The following ADCY9 variants were observed in gnomAD, a reference collection of about 807,000 sequenced individuals.
ADCY9 encodes the protein adenylate cyclase 9.
In ADCY9, 50 loss-of-function variants were observed where a neutral mutation model predicts 101.5. That is an observed-to-expected ratio of 0.49 (90% confidence interval 0.39 to 0.62). The LOEUF (loss-of-function observed/expected upper bound fraction) is 0.62, where lower values mean the gene tolerates loss of function less well. ADCY9 is among the 20% of genes least tolerant of loss of function. The pLI is 0.00. For synonymous variants in ADCY9, 905 were observed against 769.3 expected (o/e 1.18, Z -2.92); for missense variants, 1,662 against 1,800.4 (o/e 0.92, Z 1.39).
At chr16:4,105,079 A>G (rs938916039) in intron 2 of ADCY9, among the ~76,000 whole-genome samples, 1 of 152,070 alleles carries the variant, frequency 6.6e-6, no homozygotes, top group Non-Finnish European at 1.5e-5. Context: ...CCAAAAAAAA[A>G]ACAAAAAACT....
downstream of ADCY9, among the ~76,000 whole-genome samples, chr16:3,960,356 C>T (rs983863423): frequency 2.6e-5 from 4 of 151,998 alleles, no homozygotes; most frequent in Non-Finnish European, 5.9e-5. Context: ...TCTGTCTCTA[C>T]TAAAAATACA....
chr16:3,988,656 G>A (rs1189130856), intron 6 of ADCY9, among the ~76,000 whole-genome samples: 2 of 115,452 alleles, frequency 1.7e-5, no homozygotes, highest in Non-Finnish European at 3.5e-5. Flanking sequence ...AGGTGGGGGG[G>A]TTTCCTTCCA....
chr16:4,073,350 G>C (rs1442714165), intron 2 of ADCY9, among the ~76,000 whole-genome samples: 1 of 151,292 alleles, frequency 6.6e-6, no homozygotes, highest in Non-Finnish European at 1.5e-5. Context: ...GCCTCCCAAA[G>C]TGCTGGAATT....
Position 4,046,314 on chromosome 16 carries a change from A to G in ADCY9, c.1694-38756T>C, listed in dbSNP as rs183450250. 9.5e-4 allele frequency among the ~76,000 whole-genome samples: 144 copies of G among 152,208 alleles called. 2 individuals are homozygous for G. In the East Asian group the frequency reaches 0.025, roughly 27 times the overall value. On this transcript the variant is annotated intron_variant, in intron 2 of 10. Transcript: ENST00000294016. ...CAGCACTGAACCATAGCACATGCGC[A>G]TTCCCCCCACGCCCCCGAACTTATA... is the stretch of plus-strand genomic sequence containing the variant.
intron 10 of ADCY9, among the ~76,000 whole-genome samples, chr16:3,968,734 C>T (rs1354513388): frequency 6.6e-6 from 1 of 152,182 alleles, no homozygotes; most frequent in Admixed American, 6.6e-5. Context: ...TATTCCCCTA[C>T]CCCTATCTTT....
At chr16:4,027,063 C>T (rs1000933185) in intron 2 of ADCY9, among the ~76,000 whole-genome samples, 10 of 152,112 alleles carry the variant, frequency 6.6e-5, no homozygotes, top group South Asian at 4.1e-4. Context: ...TCTGATTGGT[C>T]GCCTCCTGCA....
At chr16:4,054,622 G>C (rs770125156) in intron 2 of ADCY9, among the ~76,000 whole-genome samples, 8 of 151,492 alleles carry the variant, frequency 5.3e-5, no homozygotes, top group Non-Finnish European at 7.4e-5. Context: ...CCAGGCTGGA[G>C]TGCAGTGGCA....
At chr16:4,041,861 C>T (rs1370548140) in intron 2 of ADCY9, among the ~76,000 whole-genome samples, 1 of 150,618 alleles carries the variant, frequency 6.6e-6, no homozygotes, top group Non-Finnish European at 1.5e-5. Flanking sequence ...AAGCCATCTT[C>T]CCACCTCGGC....
chr16:3,965,748 C>A lies in ADCY9; in HGVS notation c.*27G>T. On this transcript the variant is annotated 3_prime_UTR_variant, in exon 11 of 11. Coordinates refer to ENST00000294016, the MANE Select transcript of ADCY9 (RefSeq NM_001116.4). ...TATTACTGTGTTTCGACAAACAGAGCACCTCGGGCAGCGGGTGGGCGCCGC... is the reference window on the plus strand; with the variant it reads ...TATTACTGTGTTTCGACAAACAGAGAACCTCGGGCAGCGGGTGGGCGCCGC... 6.3e-7 allele frequency: 1 copy of A among 1,581,724 alleles called. No individual in the cohort carries two copies. Among genetic ancestry groups the A allele is most frequent in the Non-Finnish European group, 8.6e-7 (1 of 1,161,156 alleles).
At chr16:4,045,981 A>T (rs2056662031) in intron 2 of ADCY9, among the ~76,000 whole-genome samples, 1 of 145,142 alleles carries the variant, frequency 6.9e-6, no homozygotes, top group South Asian at 2.1e-4. Context: ...AGTAGCTGGG[A>T]CTACAGTTGC....
chr16:3,989,566 C>T (rs79820421), intron 5 of ADCY9, among the ~76,000 whole-genome samples: 4,475 of 152,156 alleles, frequency 0.029, 232 homozygotes, highest in African/African-American at 0.1. Context: ...TTTTAGCAGA[C>T]GCGGGGTTTC....
chr16:3,997,896 C>A (rs1298022411), intron 3 of ADCY9, among the ~76,000 whole-genome samples: 2 of 151,650 alleles, frequency 1.3e-5, no homozygotes, highest in Non-Finnish European at 2.9e-5. Flanking sequence ...GAGTTTAAGA[C>A]CAGCCTGGTC....
At chr16:4,058,467 GAAAAAAA>G (rs112044690) in intron 2 of ADCY9, among the ~76,000 whole-genome samples, 9 of 94,882 alleles carry the variant, frequency 9.5e-5, no homozygotes, top group African/African-American at 3.4e-4. Flanking sequence ...TTGTCTCCAA[GAAAAAAA>G]AAAAAAAAAG....
In ADCY9 at chr16:4,113,814, G is replaced by C; in HGVS notation, c.1629C>G (p.Tyr543Ter). 1 of 1,614,014 alleles carries C rather than the reference G, an allele frequency of 6.2e-7. No homozygotes were observed. Among genetic ancestry groups the C allele is most frequent in the Non-Finnish European group, 8.5e-7 (1 of 1,180,012 alleles). The stretch of plus-strand genomic sequence containing the variant: ...CAATAACTTTCCCATCTTCCATTTC[G>C]TACCGGTCATCTAAGTATTTTGCGG... ...EATAKYLDDR[Y>*]EMEDGKVIER... The change falls in exon 2 of 11, where the codon TAC becomes TAG. Residue 543 changes from tyrosine to a stop codon, truncating the protein, a stop_gained. Coordinates refer to ENST00000294016, the MANE Select transcript of ADCY9 (RefSeq NM_001116.4). LOFTEE classifies it high-confidence loss of function.
downstream of ADCY9, among the ~76,000 whole-genome samples, chr16:3,960,194 T>A (rs1314545147): frequency 6.6e-6 from 1 of 152,054 alleles, no homozygotes; most frequent in Admixed American, 6.6e-5. Context: ...GCACTCTATT[T>A]GCATTCGTGG....
intron 10 of ADCY9, among the ~76,000 whole-genome samples, chr16:3,973,008 T>G (rs1208822962): frequency 6.6e-6 from 1 of 152,212 alleles, no homozygotes; most frequent in Non-Finnish European, 1.5e-5. Context: ...CATTATATCC[T>G]AAGTATAAAT....
chr16:4,100,539 C>G (rs2057035993), intron 2 of ADCY9, among the ~76,000 whole-genome samples: 1 of 151,978 alleles, frequency 6.6e-6, no homozygotes, highest in African/African-American at 2.4e-5. Flanking sequence ...CCATGTCGGA[C>G]AGGCTGGTCT....
chr16:4,061,137 CA>C (rs2056771330), intron 2 of ADCY9, among the ~76,000 whole-genome samples: 1 of 151,862 alleles, frequency 6.6e-6, no homozygotes, highest in Non-Finnish European at 1.5e-5. Context: ...AAGAAAGAAT[CA>C]GTGAACTTAA....
chr16:4,027,221 T>A (rs150272421), intron 2 of ADCY9, among the ~76,000 whole-genome samples: 33 of 152,264 alleles, frequency 2.2e-4, no homozygotes, highest in African/African-American at 7.5e-4. Flanking sequence ...CTCCGTGGAG[T>A]GTACTTTCAT....
Sources: allele counts gnomAD v4.1 joint callset (sites outside exome capture counted in the v4.1 genomes callset), GRCh38; gene constraint gnomAD v4.1.1; transcripts MANE v1.5; gene names NCBI Gene and HGNC (gene_info 2026-07-23, HGNC 2026-07-21).